Variants in ANLN observed in about 807,000 individuals in gnomAD.
The protein encoded by ANLN is anillin, actin binding protein.
In ANLN, 59 loss-of-function variants were observed where a neutral mutation model predicts 135.1. The observed-to-expected ratio is 0.44, with a 90% CI of 0.35 to 0.54. The LOEUF (loss-of-function observed/expected upper bound fraction) is 0.54. Among genes scored for constraint, ANLN ranks in the 20% least tolerant of loss-of-function variants. The probability of loss-of-function intolerance (pLI) is 0.00; values close to 1 mark genes in which losing one functional copy is unlikely to be tolerated. For synonymous variants in ANLN, 406 were observed against 456.4 expected, an observed-to-expected ratio of 0.89 and a Z score of 1.41; for missense variants, 1,182 against 1,340.0, an observed-to-expected ratio of 0.88 and a Z score of 1.84.
At chr7:36,441,821 A>C in intron 21 of ANLN, among the ~76,000 whole-genome samples, 1 of 152,216 alleles carries the variant, frequency 6.6e-6, no homozygotes, top group Non-Finnish European at 1.5e-5. Context: ...TTAACACAGG[A>C]GGGAGCTGGT....
intron 20 of ANLN, among the ~76,000 whole-genome samples, chr7:36,435,867 C>T (rs1354844900): frequency 6.8e-5 from 6 of 88,238 alleles, no homozygotes; most frequent in Non-Finnish European, 8.0e-5. Flanking sequence ...AGCGAGACTC[C>T]GTCTCAAAAA....
chr7:36,416,624 A>G (rs1787652556), intron 8 of ANLN, among the ~76,000 whole-genome samples: 1 of 152,186 alleles, frequency 6.6e-6, no homozygotes, highest in Non-Finnish European at 1.5e-5. Flanking sequence ...TTTTTAAAGT[A>G]AAAAACAAAT....
intron 2 of ANLN, among the ~76,000 whole-genome samples, chr7:36,397,079 C>T (rs374207610): frequency 2.0e-5 from 3 of 151,442 alleles, no homozygotes; most frequent in East Asian, 1.9e-4. Flanking sequence ...TTCCTTAGTA[C>T]GACTGTAAAA....
chr7:36,452,815 G>C lies in ANLN; in HGVS notation c.*215G>C, dbSNP rs1246898725. 1 of 365,920 alleles carries C rather than the reference G, an allele frequency of 2.7e-6. No individual in the cohort carries two copies. The highest frequency in any genetic ancestry group is 4.6e-5 in the East Asian group (1 of 21,852). 22.7% of individuals were successfully genotyped at this position (365,920 alleles called of 1,614,324 possible). ...GAGTAGAAGTAAATACATTATAGTT[G>C]ATTTTGCTAAATCTTAATTTAAAAG... On this transcript the variant is annotated 3_prime_UTR_variant, in exon 24 of 24. Coordinates refer to ENST00000265748, the MANE Select transcript of ANLN (RefSeq NM_018685.5).
At chr7:36,420,121 G>T in intron 10 of ANLN, 48 bp from the exon 11 acceptor site, 1 of 1,551,746 alleles carries the variant, frequency 6.4e-7, no homozygotes, top group South Asian at 1.2e-5. Context: ...AGAATAAAAT[G>T]AATTATCATT....
In ANLN at chr7:36,422,693, G is replaced by A. The variant is rs770883487; in HGVS notation, c.2360G>A (p.Arg787Lys). Residue 787 changes from arginine to lysine, a missense_variant, in exon 14 of 24, where the codon AGG (arginine) becomes AAG (lysine). Physicochemically the swap from Arg to Lys is conservative, Grantham distance 26 (BLOSUM62 2). Around this residue, in one of 3 missense-constraint regions of ANLN, gnomAD observed 1,022 missense variants for 1,134.0 expected, o/e 0.90. Coordinates refer to ENST00000265748, the MANE Select transcript of ANLN (RefSeq NM_018685.5). ...AAATTGAAGAACGAAGGACCTCAGA[G>A]GAAGAATAAGGCTAGTCCCCAAAGT... ...LNKLKNEGPQ[R>K]KNKASPQSEF... 23 of 1,612,702 alleles carry A rather than the reference G, an allele frequency of 1.4e-5. No homozygotes were observed. The highest frequency in any genetic ancestry group is 2.2e-5 in the East Asian group (1 of 44,842).
chr7:36,395,814 G>T (rs1005861377), intron 1 of ANLN, among the ~76,000 whole-genome samples: 6 of 151,860 alleles, frequency 4.0e-5, no homozygotes, highest in African/African-American at 1.5e-4. Flanking sequence ...CCATCACCTG[G>T]GCCATGTGTC....
intron 20 of ANLN, among the ~76,000 whole-genome samples, chr7:36,432,607 TA>T (rs1788376480): frequency 6.6e-6 from 1 of 152,276 alleles, no homozygotes; most frequent in South Asian, 2.1e-4. Context: ...CTGTGTAAGT[TA>T]TAGAAAACGT....
chr7:36,431,561 T>TTGTGTGTG (rs1186662720), intron 20 of ANLN, among the ~76,000 whole-genome samples: 4,529 of 75,250 alleles, frequency 0.06, 287 homozygotes, highest in Non-Finnish European at 0.078. Flanking sequence ...ATGTGTGTGT[T>TTGTGTGTG]TGTGTGTGTG....
chr7:36,419,502 G>A (rs1787784193), intron 10 of ANLN, 23 bp downstream of exon 10: 2 of 1,590,578 alleles, frequency 1.3e-6, no homozygotes, highest in Non-Finnish European at 1.7e-6. Context: ...TAACTAAACA[G>A]GCCCAGGACA....
In ANLN at chr7:36,425,996, CCTTT is replaced by C. The variant is rs1265807998; in HGVS notation, c.2749-18_2749-15del. The C allele has an allele frequency of 1.4e-6, 2 of 1,458,090 alleles. No individual in the cohort carries two copies. Among genetic ancestry groups the C allele is most frequent in the Non-Finnish European group, 1.8e-6 (2 of 1,087,526 alleles). The allele number at this position is 1,458,090 out of a possible 1,614,324, so 90.3% of individuals were successfully genotyped here. On this transcript the variant is annotated splice_polypyrimidine_tract_variant and intron_variant, in intron 18 of 23. Transcript: ENST00000265748. Reference sequence around the variant, plus strand: ...AAATAACTTATGTTTCTTCTTCACACCTTTTTTTTTTTTTTTAGAAAAGCAACAT... The same window carrying C: ...AAATAACTTATGTTTCTTCTTCACACTTTTTTTTTTTTAGAAAAGCAACAT...
At chr7:36,391,501 GAA>G (rs1304035714) in intron 1 of ANLN, among the ~76,000 whole-genome samples, 1 of 152,186 alleles carries the variant, frequency 6.6e-6, no homozygotes, top group African/African-American at 2.4e-5. Context: ...TTTATATTAT[GAA>G]AAGTTAGATC....
chr7:36,401,420 C>T (rs994522586), intron 3 of ANLN, among the ~76,000 whole-genome samples: 1 of 152,164 alleles, frequency 6.6e-6, no homozygotes, highest in South Asian at 2.1e-4. Context: ...CTCACTGCAA[C>T]CTCCGCCTCC....
chr7:36,411,112 A>T lies in ANLN; in HGVS notation c.1341A>T (p.Ile447=), dbSNP rs758723851. 2 of 1,612,322 alleles carry T rather than the reference A, an allele frequency of 1.2e-6. No individual in the cohort carries two copies. The highest frequency in any genetic ancestry group is 1.7e-5 in the Admixed American group (1 of 59,364). Residue 447 remains isoleucine, a synonymous_variant, in exon 7 of 24, where the codon ATA becomes ATT. Coordinates refer to ENST00000265748, the MANE Select transcript of ANLN (RefSeq NM_018685.5). ...GTGGCCGATTTGACAAGGGCAATATATGGAGTGCAGAAAAAGGCGGAAACT... is the reference window on the plus strand; with the variant it reads ...GTGGCCGATTTGACAAGGGCAATATTTGGAGTGCAGAAAAAGGCGGAAACT... The part of the protein sequence containing the change: ...CLRGRFDKGN[I]WSAEKGGNSK...
At chr7:36,390,438 T>A in intron 1 of ANLN, 1 of 238,156 alleles carries the variant, frequency 4.2e-6, no homozygotes, top group Admixed American at 5.3e-5. Context: ...GGTGACTCAG[T>A]GCGGCTGCCG....
chr7:36,418,903 A>G (rs1787758323), intron 9 of ANLN, among the ~76,000 whole-genome samples: 2 of 151,862 alleles, frequency 1.3e-5, no homozygotes, highest in South Asian at 4.1e-4. Context: ...ACAGGCACCT[A>G]TCACCACGCC....
chr7:36,412,168 T>G (rs897038772), intron 7 of ANLN, among the ~76,000 whole-genome samples: 4 of 151,650 alleles, frequency 2.6e-5, no homozygotes, highest in South Asian at 2.1e-4. Flanking sequence ...GTGATAAGTT[T>G]TCTAAATCTG....
intron 3 of ANLN, among the ~76,000 whole-genome samples, chr7:36,404,013 G>A (rs1339340199): frequency 6.6e-6 from 1 of 151,164 alleles, no homozygotes; most frequent in Non-Finnish European, 1.5e-5. Context: ...CTCTGTCACC[G>A]AGGCTGGAGT....
chr7:36,426,868 T>G, intron 19 of ANLN, 48 bp from the exon 20 acceptor site: 1 of 1,247,400 alleles, frequency 8.0e-7, no homozygotes, highest in Non-Finnish European at 1.1e-6. Flanking sequence ...TTACTTATAC[T>G]TAACAAAAGT....
Sources: allele counts gnomAD v4.1 joint callset (sites outside exome capture counted in the v4.1 genomes callset), GRCh38; gene constraint gnomAD v4.1.1; regional missense constraint gnomAD v4.1.1; transcripts MANE v1.5; gene names NCBI Gene and HGNC (gene_info 2026-07-23, HGNC 2026-07-21).